Variants in COG6 observed in about 807,000 individuals in gnomAD.
The protein encoded by COG6 is component of oligomeric golgi complex 6.
A neutral mutation model predicts 88.8 loss-of-function variants in COG6; 74 were observed. The observed-to-expected ratio is 0.83, with a 90% CI of 0.69 to 1.01. COG6 has a LOEUF of 1.01. Among genes scored for constraint, COG6 ranks in the 50% least tolerant of loss-of-function variants. The pLI is 0.00. For synonymous variants in COG6, 286 were observed against 278.7 expected, an observed-to-expected ratio of 1.03 and a Z score of -0.26; for missense variants, 800 against 797.9, an observed-to-expected ratio of 1.00 and a Z score of -0.03.
Position 39,659,377 on chromosome 13 carries a change from C to A in COG6, c.167C>A (p.Ala56Asp). Residue 56 changes from alanine to aspartate, a missense_variant, in exon 2 of 19, where the codon GCT becomes GAT. Coordinates refer to ENST00000455146, the MANE Select transcript of COG6 (RefSeq NM_020751.3). ...RLDNDKEMLE[A>D]LKALSTFFVE... ...CCAATTGTATAGGAGATGTTAGAAG[C>A]TCTCAAGGCACTTTCAACCTTTTTT... The A allele has an allele frequency of 6.2e-7, 1 of 1,613,588 alleles. No homozygotes were observed. Among genetic ancestry groups the A allele is most frequent in the South Asian group, 1.1e-5 (1 of 91,072 alleles).
intron 18 of COG6, among the ~76,000 whole-genome samples, chr13:39,744,252 A>G (rs1880212589): frequency 6.6e-6 from 1 of 152,214 alleles, no homozygotes; most frequent in Admixed American, 6.5e-5. Context: ...AGTTCTGGCC[A>G]GGGCAATCAG....
intron 13 of COG6, among the ~76,000 whole-genome samples, chr13:39,717,454 T>C (rs1878588446): frequency 6.7e-6 from 1 of 149,858 alleles, no homozygotes; most frequent in African/African-American, 2.5e-5. Flanking sequence ...TATTGTTAAA[T>C]GGTGTCTTAT....
rs574699598 is a variant in COG6, at chr13:39,744,155, C to T, written c.1827-6791C>T. Among the ~76,000 whole-genome samples the T allele has an allele frequency of 4.6e-5, 7 of 151,940 alleles. No homozygotes were observed. In the East Asian group the frequency reaches 9.7e-4, roughly 21 times the overall value. On this transcript the variant is annotated intron_variant, in intron 18 of 18. Transcript: ENST00000455146. ...AACCCACAGCCAATATCATACTGAA[C>T]AGGCAAAAACTGGAAGCATTCCCTT...
chr13:39,758,950 T>C (rs1880930142), intron 18 of COG6, among the ~76,000 whole-genome samples: 1 of 152,176 alleles, frequency 6.6e-6, no homozygotes, highest in African/African-American at 2.4e-5. Flanking sequence ...AAAACATTAT[T>C]CTAATTAGAA....
chr13:39,742,036 T>C (rs2138125700), intron 18 of COG6, among the ~76,000 whole-genome samples: 1 of 152,262 alleles, frequency 6.6e-6, no homozygotes, highest in Middle Eastern at 3.4e-3. Context: ...TAAAATCCTT[T>C]ACAGACAAGC....
chr13:39,742,920 C>T (rs992732480), intron 18 of COG6, among the ~76,000 whole-genome samples: 3 of 152,172 alleles, frequency 2.0e-5, no homozygotes, highest in African/African-American at 7.2e-5. Context: ...GACCACAGTG[C>T]AATCAAACTA....
At position 39,727,564 on chromosome 13, in the gene COG6, C is replaced by T; in HGVS notation, c.1826+16C>T. 6.4e-7 allele frequency: 1 copy of T among 1,572,648 alleles called. No homozygotes were observed. The highest frequency in any genetic ancestry group is 8.8e-7 in the Non-Finnish European group (1 of 1,142,448). ...CCACAGTGAAGTAAGTATTTTTGGT[C>T]CCAAGTAGTTGGTAAAGATTCACAT... On this transcript the variant is annotated intron_variant, in intron 18 of 18. Coordinates refer to ENST00000455146, the MANE Select transcript of COG6 (RefSeq NM_020751.3).
intron 18 of COG6, among the ~76,000 whole-genome samples, chr13:39,767,730 G>A (rs893400407): frequency 6.6e-6 from 1 of 152,168 alleles, no homozygotes; most frequent in Non-Finnish European, 1.5e-5. Flanking sequence ...CACCCCTGCA[G>A]TCATGTTCCT....
chr13:39,674,008 T>C (rs58763000), intron 4 of COG6, among the ~76,000 whole-genome samples: 1,893 of 152,172 alleles, frequency 0.012, 39 homozygotes, highest in African/African-American at 0.043. Flanking sequence ...TTAAAAACTT[T>C]GCCAATGTAG....
chr13:39,721,895 T>C (rs1181294348), intron 15 of COG6, among the ~76,000 whole-genome samples: 1 of 152,228 alleles, frequency 6.6e-6, no homozygotes, highest in East Asian at 1.9e-4. Context: ...TTTATATGTT[T>C]TCCCAGGATA....
chr13:39,711,616 C>A (rs904629213), intron 13 of COG6, among the ~76,000 whole-genome samples: 1 of 152,030 alleles, frequency 6.6e-6, no homozygotes, highest in Non-Finnish European at 1.5e-5. Context: ...ATCAGTCTTA[C>A]TCATCTTCTG....
chr13:39,754,413 G>A (rs942724829), downstream of COG6, among the ~76,000 whole-genome samples: 2 of 152,100 alleles, frequency 1.3e-5, no homozygotes, highest in Non-Finnish European at 2.9e-5. Context: ...TACATGTAAA[G>A]GTGTAAGGAA....
chr13:39,700,537 C>G (rs971909580), intron 13 of COG6, among the ~76,000 whole-genome samples: 6 of 151,858 alleles, frequency 4.0e-5, no homozygotes, highest in African/African-American at 1.4e-4. Context: ...AGTTTACTAA[C>G]AATCATTTCT....
chr13:39,698,597 G>A (rs1214780042), intron 12 of COG6, among the ~76,000 whole-genome samples: 1 of 151,716 alleles, frequency 6.6e-6, no homozygotes, highest in African/African-American at 2.4e-5. Context: ...TAATACATGT[G>A]GTATATGATT....
intron 18 of COG6, among the ~76,000 whole-genome samples, chr13:39,758,239 A>AAAAAAAAC (rs1566041999): frequency 6.7e-6 from 1 of 148,524 alleles, no homozygotes; most frequent in Admixed American, 6.7e-5. Flanking sequence ...AAAAAAAAAA[A>AAAAAAAAC]AAATGACGAG....
chr13:39,682,612 C>A, intron 8 of COG6: 1 of 216,788 alleles, frequency 4.6e-6, no homozygotes. Context: ...AGACTGAAGT[C>A]ATATCAGTAC....
At chr13:39,705,129 A>G (rs1278134819) in intron 13 of COG6, among the ~76,000 whole-genome samples, 1 of 152,206 alleles carries the variant, frequency 6.6e-6, no homozygotes, top group Non-Finnish European at 1.5e-5. Flanking sequence ...TATTTATTGT[A>G]GCATGTTCTT....
At chr13:39,759,211 T>G (rs1593478242) in intron 18 of COG6, among the ~76,000 whole-genome samples, 1 of 152,212 alleles carries the variant, frequency 6.6e-6, no homozygotes, top group East Asian at 1.9e-4. Context: ...TGGTAAATTT[T>G]ATGTTATATG....
At chr13:39,693,809 A>G (rs1183402744) in intron 11 of COG6, among the ~76,000 whole-genome samples, 5 of 151,976 alleles carry the variant, frequency 3.3e-5, no homozygotes, top group Non-Finnish European at 7.4e-5. Context: ...TTAAAAGCAT[A>G]TATTAAACAT....
Sources: gnomAD v4.1 joint callset for allele counts (sites outside exome capture counted in the v4.1 genomes callset) on GRCh38, gnomAD v4.1.1 for gene constraint, MANE v1.5 for transcripts, NCBI Gene and HGNC (gene_info 2026-07-23, HGNC 2026-07-21) for gene names.